ATP8B4: variants seen among roughly 807,000 people sequenced by gnomAD.
The protein encoded by ATP8B4 is probable phospholipid-transporting ATPase IM.
Under a neutral mutation model 145.6 loss-of-function variants are expected in ATP8B4, and 133 were observed. The observed-to-expected ratio is 0.91, with a 90% CI of 0.79 to 1.05. ATP8B4 has a LOEUF of 1.05. Among genes scored for constraint, ATP8B4 ranks in the 50% least tolerant of loss-of-function variants. The pLI is 0.00. For synonymous variants in ATP8B4, 507 were observed against 492.9 expected (o/e 1.03, Z -0.38); for missense variants, 1,458 against 1,425.2 (o/e 1.02, Z -0.37).
Position 50,085,971 on chromosome 15 carries a change from G to T in ATP8B4, c.29-11786C>A, listed in dbSNP as rs763952017. 2.5e-3 allele frequency among the ~76,000 whole-genome samples: 182 copies of T among 73,190 alleles called. 25 individuals are homozygous for T. Among genetic ancestry groups the T allele is most frequent in the African/African-American group, 0.014 (175 of 12,658 alleles). The allele number at this position is 73,190 out of a possible 152,430, so 48.0% of individuals were successfully genotyped here. ...ATATATATCATATATATTTATATAT[G>T]ATATATCAAATATATCATATATATT... On this transcript the variant is annotated intron_variant, in intron 2 of 27. Transcript: ENST00000284509.
intron 1 of ATP8B4, among the ~76,000 whole-genome samples, chr15:50,126,866 AC>A (rs773393221): frequency 1.3e-5 from 2 of 149,584 alleles, no homozygotes; most frequent in South Asian, 2.1e-4. Flanking sequence ...CAGCCCCCAC[AC>A]CCCCCCGCCA....
intron 1 of ATP8B4, among the ~76,000 whole-genome samples, chr15:50,150,784 C>T (rs2044337555): frequency 6.6e-6 from 1 of 152,136 alleles, no homozygotes. Context: ...AAATACAACA[C>T]AAAATTAATA....
chr15:49,867,468 C>T (rs2032995568), intron 25 of ATP8B4, among the ~76,000 whole-genome samples: 2 of 152,172 alleles, frequency 1.3e-5, no homozygotes, highest in Admixed American at 1.3e-4. Context: ...CTTTTCTCCC[C>T]TCAGGAGGTC....
At chr15:49,982,524 C>T (rs1177975090) in intron 10 of ATP8B4, 3 of 152,028 alleles carry the variant, frequency 2.0e-5, no homozygotes, top group Non-Finnish European at 4.4e-5. Flanking sequence ...CTGGTTAGTA[C>T]TTAGATGGGA....
At chr15:50,181,304 G>A (rs2140888191) in intron 1 of ATP8B4, among the ~76,000 whole-genome samples, 1 of 152,272 alleles carries the variant, frequency 6.6e-6, no homozygotes, top group African/African-American at 2.4e-5. Flanking sequence ...CATTCACTTC[G>A]TACAGAAGTA....
intron 6 of ATP8B4, among the ~76,000 whole-genome samples, chr15:50,017,033 C>A (rs1225474294): frequency 6.6e-6 from 1 of 152,154 alleles, no homozygotes; most frequent in South Asian, 2.1e-4. Context: ...AGGTGTGAAC[C>A]AATATTCCTT....
chr15:49,879,646 T>C (rs1289873141), intron 23 of ATP8B4, 187 bp from the exon 24 acceptor site: 1 of 554,478 alleles, frequency 1.8e-6, no homozygotes, highest in Non-Finnish European at 3.2e-6. Flanking sequence ...TAGATCTCTC[T>C]AAACGGCAGT....
chr15:49,877,554 T>A (rs2034654652), intron 24 of ATP8B4, among the ~76,000 whole-genome samples: 1 of 152,146 alleles, frequency 6.6e-6, no homozygotes, highest in African/African-American at 2.4e-5. Flanking sequence ...TTTTAGATGC[T>A]TTTGGATGCT....
chr15:50,034,625 T>C (rs1421301123), intron 6 of ATP8B4, among the ~76,000 whole-genome samples: 1 of 152,202 alleles, frequency 6.6e-6, no homozygotes, highest in African/African-American at 2.4e-5. Flanking sequence ...AACCTGTCTG[T>C]ACATTAGATT....
intron 23 of ATP8B4, chr15:49,880,636 G>A (rs773455215): frequency 6.6e-6 from 1 of 152,086 alleles, no homozygotes; most frequent in Non-Finnish European, 1.5e-5. Context: ...GGTGGAAGTG[G>A]GAAAGCTTAT....
At position 49,859,784 on chromosome 15, in the gene ATP8B4, G is replaced by A. The variant is rs1258962934; in HGVS notation, c.*410C>T. 5.9e-6 allele frequency: 1 copy of A among 168,218 alleles called. No homozygotes were observed. The highest frequency in any genetic ancestry group is 1.3e-5 in the Non-Finnish European group (1 of 77,842). The allele number at this position is 168,218 out of a possible 1,614,324, so 10.4% of individuals were successfully genotyped here. On this transcript the variant is annotated 3_prime_UTR_variant, in exon 28 of 28. Coordinates refer to ENST00000284509, the MANE Select transcript of ATP8B4 (RefSeq NM_024837.4). Reference sequence around the variant, plus strand: ...TGATCTTACAGATACATGTTTATCTGTCAATAGGCATGCTTTTCAGCTTGG... The same window carrying A: ...TGATCTTACAGATACATGTTTATCTATCAATAGGCATGCTTTTCAGCTTGG...
intron 9 of ATP8B4, among the ~76,000 whole-genome samples, chr15:49,993,889 G>C (rs1411765936): frequency 6.6e-6 from 1 of 152,108 alleles, no homozygotes; most frequent in African/African-American, 2.4e-5. Flanking sequence ...AGAGGTCTGT[G>C]TTGTCTTTAT....
At chr15:50,169,463 A>G (rs2044640236) in intron 1 of ATP8B4, among the ~76,000 whole-genome samples, 1 of 152,238 alleles carries the variant, frequency 6.6e-6, no homozygotes, top group Non-Finnish European at 1.5e-5. Context: ...CAGGAGCCAC[A>G]TCCATAGGAA....
intron 13 of ATP8B4, among the ~76,000 whole-genome samples, chr15:49,971,292 C>T (rs1254198938): frequency 6.6e-6 from 1 of 152,172 alleles, no homozygotes; most frequent in African/African-American, 2.4e-5. Context: ...AACTAAAGAG[C>T]TTCTGCACAG....
intron 12 of ATP8B4, among the ~76,000 whole-genome samples, chr15:49,975,653 T>G (rs898798641): frequency 2.0e-5 from 3 of 152,158 alleles, no homozygotes; most frequent in Non-Finnish European, 2.9e-5. Context: ...AGGATAAGTT[T>G]TTAAATTGTT....
intron 3 of ATP8B4, among the ~76,000 whole-genome samples, chr15:50,053,197 A>C (rs977145722): frequency 4.6e-5 from 7 of 152,220 alleles, no homozygotes; most frequent in African/African-American, 1.7e-4. Flanking sequence ...CTTATGAAAT[A>C]GGTACTATTA....
chr15:49,885,088 C>T (rs371949126), intron 23 of ATP8B4, among the ~76,000 whole-genome samples: 12 of 152,328 alleles, frequency 7.9e-5, no homozygotes, highest in African/African-American at 1.2e-4. Flanking sequence ...ACTCCCTATT[C>T]GTCATGTCCT....
intron 2 of ATP8B4, among the ~76,000 whole-genome samples, chr15:50,093,208 G>T (rs1262512828): frequency 6.6e-5 from 10 of 151,392 alleles, no homozygotes; most frequent in African/African-American, 1.9e-4. Context: ...AAAAAAGGAA[G>T]TCTTAAGAAA....
At chr15:50,020,186 C>G (rs2049428663) in intron 6 of ATP8B4, among the ~76,000 whole-genome samples, 1 of 151,358 alleles carries the variant, frequency 6.6e-6, no homozygotes, top group African/African-American at 2.4e-5. Context: ...AATTTCTGCT[C>G]TCAAGTGATC....
Sources: gnomAD v4.1 joint callset for allele counts (sites outside exome capture counted in the v4.1 genomes callset) on GRCh38, gnomAD v4.1.1 for gene constraint, MANE v1.5 for transcripts, NCBI Gene and HGNC (gene_info 2026-07-23, HGNC 2026-07-21) for gene names.